The following HS6ST3 variants were observed in gnomAD, a reference collection of about 807,000 sequenced individuals.
HS6ST3 encodes heparan-sulfate 6-O-sulfotransferase 3.
In HS6ST3, 12 loss-of-function variants were observed where a neutral mutation model predicts 36.7. The ratio of observed to expected loss-of-function variants is 0.33; its 90% CI spans 0.21 to 0.53. The LOEUF is 0.53. Among genes scored for constraint, HS6ST3 ranks in the 20% least tolerant of loss-of-function variants. The probability of loss-of-function intolerance (pLI) is 0.95; values close to 1 mark genes in which losing one functional copy is unlikely to be tolerated. For missense variants in HS6ST3, 584 were observed against 640.9 expected (o/e 0.91, Z 0.96); for synonymous variants, 240 against 257.5 (o/e 0.93, Z 0.65).
intron 1 of HS6ST3, among the ~76,000 whole-genome samples, chr13:96,496,134 C>A (rs2055974493): frequency 6.6e-6 from 1 of 152,214 alleles, no homozygotes; most frequent in African/African-American, 2.4e-5. Context: ...GTGCTCCCAT[C>A]CCATTCTACC....
rs967035728 is a variant in HS6ST3, at chr13:96,335,363, C to T, written c.707+243794C>T. Among the ~76,000 whole-genome samples, 5 of 152,190 alleles carry T rather than the reference C, an allele frequency of 3.3e-5. No homozygotes were observed. In the East Asian group the frequency reaches 7.7e-4, roughly 23 times the overall value. The stretch of plus-strand genomic sequence containing the variant: ...GTATATTTACTGACAACACCATATT[C>T]GTCATTCAGTGGTTTGAACTGACCT... On this transcript the variant is annotated intron_variant, in intron 1 of 1. Transcript: ENST00000376705.
chr13:96,245,690 C>T (rs778288308), intron 1 of HS6ST3, among the ~76,000 whole-genome samples: 4 of 152,122 alleles, frequency 2.6e-5, no homozygotes, highest in Non-Finnish European at 5.9e-5. Context: ...GGAAACTAGA[C>T]ACCCCATACA....
chr13:96,592,185 G>A (rs1487715739), intron 1 of HS6ST3, among the ~76,000 whole-genome samples: 1 of 151,950 alleles, frequency 6.6e-6, no homozygotes, highest in East Asian at 1.9e-4. Flanking sequence ...TTTGACTTTG[G>A]TATAAAGGTA....
At chr13:96,797,202 A>G (rs987164469) in intron 1 of HS6ST3, among the ~76,000 whole-genome samples, 2 of 152,022 alleles carry the variant, frequency 1.3e-5, no homozygotes, top group Non-Finnish European at 2.9e-5. Context: ...TGCACTTTTA[A>G]TGGAAGTGAA....
rs552510120 is a variant in HS6ST3 at position 96,325,939 on chromosome 13, A to T, written c.707+234370A>T. On this transcript the variant is annotated intron_variant, in intron 1 of 1. Coordinates refer to ENST00000376705, the MANE Select transcript of HS6ST3 (RefSeq NM_153456.4). Reference sequence around the variant, plus strand: ...TAATATATACACAGAACTGTATTTTAAAAATACTTAATTTAGTTTGACATT... The same window carrying T: ...TAATATATACACAGAACTGTATTTTTAAAATACTTAATTTAGTTTGACATT... 5.3e-5 allele frequency among the ~76,000 whole-genome samples: 8 copies of T among 152,272 alleles called. No individual in the cohort carries two copies. In the South Asian group the frequency reaches 1.7e-3, roughly 32 times the overall value.
At chr13:96,824,977 C>T (rs1331304343) in intron 1 of HS6ST3, among the ~76,000 whole-genome samples, 1 of 152,140 alleles carries the variant, frequency 6.6e-6, no homozygotes, top group Non-Finnish European at 1.5e-5. Flanking sequence ...TCAGACTGGT[C>T]GCTAGAATAA....
chr13:96,765,596 C>CTT (rs1165705998), intron 1 of HS6ST3, among the ~76,000 whole-genome samples: 2 of 65,396 alleles, frequency 3.1e-5, no homozygotes, highest in African/African-American at 1.7e-4. Flanking sequence ...CTTTCTCTCT[C>CTT]TCTCTCTCTC....
At chr13:96,172,653 A>C (rs2054193870) in intron 1 of HS6ST3, among the ~76,000 whole-genome samples, 1 of 152,190 alleles carries the variant, frequency 6.6e-6, no homozygotes, top group East Asian at 1.9e-4. Context: ...TAAAACAGTC[A>C]CTGTAGAGTT....
At chr13:96,626,692 G>T (rs2056513556) in intron 1 of HS6ST3, among the ~76,000 whole-genome samples, 1 of 152,012 alleles carries the variant, frequency 6.6e-6, no homozygotes, top group Admixed American at 6.5e-5. Flanking sequence ...TTCTGTTCAT[G>T]AACTTGACAT....
intron 1 of HS6ST3, among the ~76,000 whole-genome samples, chr13:96,767,938 A>G (rs1877157423): frequency 6.6e-6 from 1 of 152,238 alleles, no homozygotes; most frequent in South Asian, 2.1e-4. Context: ...AGCTAATATT[A>G]CAATCAGGTA....
chr13:96,604,422 AG>A (rs2138984257), intron 1 of HS6ST3, among the ~76,000 whole-genome samples: 1 of 152,326 alleles, frequency 6.6e-6, no homozygotes, highest in South Asian at 2.1e-4. Context: ...TGCTAGAAAA[AG>A]AATTTCAGTT....
chr13:96,461,760 C>T (rs767979974), intron 1 of HS6ST3, among the ~76,000 whole-genome samples: 3 of 152,054 alleles, frequency 2.0e-5, no homozygotes, highest in Non-Finnish European at 4.4e-5. Flanking sequence ...ACTTGGGGAA[C>T]GGGTAATCTA....
intron 1 of HS6ST3, among the ~76,000 whole-genome samples, chr13:96,671,204 G>C (rs988406238): frequency 5.3e-5 from 8 of 152,106 alleles, no homozygotes; most frequent in African/African-American, 1.9e-4. Flanking sequence ...AATGCTCCAA[G>C]TGTCATCAGA....
chr13:96,522,780 G>C (rs1414531524), intron 1 of HS6ST3, among the ~76,000 whole-genome samples: 3 of 152,084 alleles, frequency 2.0e-5, no homozygotes, highest in African/African-American at 7.2e-5. Flanking sequence ...TAGGTCCCCT[G>C]AATACAGCAC....
chr13:96,449,690 T>G (rs528520312), intron 1 of HS6ST3, among the ~76,000 whole-genome samples: 6 of 152,366 alleles, frequency 3.9e-5, no homozygotes, highest in African/African-American at 1.4e-4. Flanking sequence ...ACTCTATATC[T>G]AATCAGTGTA....
intron 1 of HS6ST3, among the ~76,000 whole-genome samples, chr13:96,119,398 T>G (rs961488077): frequency 4.6e-5 from 7 of 152,136 alleles, no homozygotes; most frequent in African/African-American, 1.7e-4. Context: ...TATCTCTTTA[T>G]TAAGTATAAT....
chr13:96,648,204 C>T (rs1170107575), intron 1 of HS6ST3, among the ~76,000 whole-genome samples: 2 of 151,982 alleles, frequency 1.3e-5, no homozygotes, highest in Non-Finnish European at 2.9e-5. Context: ...TAAATATTCA[C>T]CAGCACAACA....
At chr13:96,396,571 A>G (rs2055422683) in intron 1 of HS6ST3, among the ~76,000 whole-genome samples, 1 of 152,092 alleles carries the variant, frequency 6.6e-6, no homozygotes, top group Admixed American at 6.6e-5. Flanking sequence ...CACTTGGGCT[A>G]TGTGGTATGC....
chr13:96,468,070 A>G (rs948773724), intron 1 of HS6ST3, among the ~76,000 whole-genome samples: 1 of 152,184 alleles, frequency 6.6e-6, no homozygotes, highest in Non-Finnish European at 1.5e-5. Context: ...GCTGACATCT[A>G]AGGGCTATGT....
Sources: allele counts gnomAD v4.1 joint callset (sites outside exome capture counted in the v4.1 genomes callset), GRCh38; gene constraint gnomAD v4.1.1; transcripts MANE v1.5; gene names NCBI Gene and HGNC (gene_info 2026-07-23, HGNC 2026-07-21).